The following LRMDA variants were observed in gnomAD, a reference collection of about 807,000 sequenced individuals.
LRMDA encodes leucine-rich melanocyte differentiation-associated protein.
LRMDA carries 18 observed loss-of-function variants against 29.8 expected under a neutral mutation model. The ratio of observed to expected loss-of-function variants is 0.60; its 90% CI spans 0.42 to 0.90. The LOEUF (loss-of-function observed/expected upper bound fraction) is 0.90, where lower values mean the gene tolerates loss of function less well. Ranked by LOEUF, LRMDA falls within the 40% of genes least tolerant of loss-of-function variation. The probability of loss-of-function intolerance (pLI) is 0.00; values close to 1 mark genes in which losing one functional copy is unlikely to be tolerated. For synonymous variants in LRMDA, 125 were observed against 109.4 expected (o/e 1.14, Z -0.89); for missense variants, 273 against 273.9 (o/e 1.00, Z 0.02).
chr10:76,557,358 ACGCT>A lies in LRMDA; in HGVS notation c.*71_*74del. 1 of 1,308,424 alleles carries A rather than the reference ACGCT, an allele frequency of 7.6e-7. No individual in the cohort carries two copies. The highest frequency in any genetic ancestry group is 1.5e-5 in the African/African-American group (1 of 68,162). 81.1% of individuals were successfully genotyped at this position (1,308,424 alleles called of 1,614,324 possible). A position where few individuals can be genotyped will look rare whatever the true frequency, so the allele number is the denominator to read the frequency against. Reference sequence around the variant, plus strand: ...AAAAGGGAAATCAAAAATAAAGAAAACGCTAAAGAAAAAACAATAGCCCACATTG... The same window carrying A: ...AAAAGGGAAATCAAAAATAAAGAAAAAAAGAAAAAACAATAGCCCACATTG... On this transcript the variant is annotated 3_prime_UTR_variant, in exon 7 of 7. Transcript: ENST00000611255.
intron 2 of LRMDA, among the ~76,000 whole-genome samples, chr10:75,676,625 C>T (rs571939080): frequency 6.7e-4 from 102 of 152,278 alleles, no homozygotes; most frequent in African/African-American, 2.3e-3. Flanking sequence ...GTCTTTGGTT[C>T]GTGATGGCAT....
At chr10:75,449,151 CAAAAAAA>C (rs779723533) in intron 2 of LRMDA, among the ~76,000 whole-genome samples, 4 of 50,280 alleles carry the variant, frequency 8.0e-5, no homozygotes, top group Non-Finnish European at 1.3e-4. Flanking sequence ...GACTCCATCT[CAAAAAAA>C]AAAAAAAAAA....
chr10:75,566,403 C>T (rs2132066790), intron 2 of LRMDA, among the ~76,000 whole-genome samples: 1 of 152,312 alleles, frequency 6.6e-6, no homozygotes, highest in East Asian at 1.9e-4. Flanking sequence ...AATGCTGAAT[C>T]ATGGGCCCCA....
intron 5 of LRMDA, among the ~76,000 whole-genome samples, chr10:76,227,669 A>C (rs764560470): frequency 4.6e-5 from 7 of 152,240 alleles, no homozygotes; most frequent in Non-Finnish European, 8.8e-5. Context: ...TAACTACATT[A>C]GTGTTAAGAC....
At chr10:76,402,845 T>G (rs1399314582) in intron 6 of LRMDA, among the ~76,000 whole-genome samples, 1 of 152,198 alleles carries the variant, frequency 6.6e-6, no homozygotes, top group Non-Finnish European at 1.5e-5. Flanking sequence ...TATTCTGCAT[T>G]CTTTAAAATA....
intron 2 of LRMDA, among the ~76,000 whole-genome samples, chr10:75,919,181 T>A (rs138060510): frequency 6.6e-6 from 1 of 152,304 alleles, no homozygotes; most frequent in Non-Finnish European, 1.5e-5. Flanking sequence ...GATGCGAAGC[T>A]GGGCAGCCTG....
intron 2 of LRMDA, among the ~76,000 whole-genome samples, chr10:75,715,074 G>A (rs1200536849): frequency 6.6e-6 from 1 of 152,098 alleles, no homozygotes; most frequent in Non-Finnish European, 1.5e-5. Context: ...CTACACCTGT[G>A]TTTCACAGAG....
At chr10:75,623,959 G>A (rs899166866) in intron 2 of LRMDA, among the ~76,000 whole-genome samples, 6 of 152,138 alleles carry the variant, frequency 3.9e-5, no homozygotes, top group Non-Finnish European at 8.8e-5. Flanking sequence ...ATCAGAGGCC[G>A]TTTTCAAATA....
At chr10:76,062,077 C>G (rs527548972) in intron 5 of LRMDA, among the ~76,000 whole-genome samples, 9 of 152,114 alleles carry the variant, frequency 5.9e-5, no homozygotes, top group Non-Finnish European at 1.2e-4. Context: ...TATGTGTACA[C>G]CAGAGTCAGC....
chr10:76,044,264 G>C (rs369660592), intron 3 of LRMDA, among the ~76,000 whole-genome samples: 1 of 152,116 alleles, frequency 6.6e-6, no homozygotes, highest in Non-Finnish European at 1.5e-5. Context: ...ACTGAGGCCC[G>C]TGCAGGTCCG....
intron 2 of LRMDA, among the ~76,000 whole-genome samples, chr10:76,027,282 T>C (rs1268163294): frequency 6.6e-6 from 1 of 152,200 alleles, no homozygotes; most frequent in African/African-American, 2.4e-5. Context: ...TCACTGGCGA[T>C]TCATACTAAG....
At chr10:75,519,818 C>T (rs892698570) in intron 2 of LRMDA, among the ~76,000 whole-genome samples, 22 of 152,146 alleles carry the variant, frequency 1.4e-4, no homozygotes, top group Admixed American at 7.2e-4. Context: ...TGGCTGGTAC[C>T]GGTTGTTCCT....
chr10:76,477,583 C>T (rs1274993920), intron 6 of LRMDA, among the ~76,000 whole-genome samples: 6 of 152,160 alleles, frequency 3.9e-5, no homozygotes, highest in East Asian at 1.9e-4. Context: ...AAAAAGAGCC[C>T]GCATCGCCAA....
intron 5 of LRMDA, among the ~76,000 whole-genome samples, chr10:76,234,517 A>G (rs1281994979): frequency 6.6e-6 from 1 of 152,210 alleles, no homozygotes; most frequent in African/African-American, 2.4e-5. Context: ...GAAGCCAGGC[A>G]TTGACTTCTC....
chr10:76,337,403 G>A lies in LRMDA; in HGVS notation c.601+12918G>A, dbSNP rs1056864717. Among the ~76,000 whole-genome samples, 3 of 152,204 alleles carry A rather than the reference G, an allele frequency of 2.0e-5. No individual in the cohort carries two copies. The East Asian group carries it at 5.8e-4, about 29-fold the overall frequency. ...TGTGTTGGCAATTTAAGATCTGACAGCCAGAGAAGTCACCACTGAGAAGAT... is the reference window on the plus strand; with the variant it reads ...TGTGTTGGCAATTTAAGATCTGACAACCAGAGAAGTCACCACTGAGAAGAT... On this transcript the variant is annotated intron_variant, in intron 6 of 6. Coordinates refer to ENST00000611255, the MANE Select transcript of LRMDA (RefSeq NM_001305581.2).
At chr10:76,474,843 C>T (rs532140164) in intron 6 of LRMDA, among the ~76,000 whole-genome samples, 2 of 151,696 alleles carry the variant, frequency 1.3e-5, no homozygotes, top group Non-Finnish European at 1.5e-5. Context: ...TGAGCAATTC[C>T]ACTCCTAGGT....
intron 2 of LRMDA, among the ~76,000 whole-genome samples, chr10:75,481,467 G>T (rs1229082329): frequency 6.6e-6 from 1 of 152,182 alleles, no homozygotes; most frequent in Non-Finnish European, 1.5e-5. Flanking sequence ...TGGGAAGAAA[G>T]ATTTGATAGA....
intron 2 of LRMDA, among the ~76,000 whole-genome samples, chr10:75,928,084 A>AT (rs1461104488): frequency 6.7e-6 from 1 of 148,524 alleles, no homozygotes; most frequent in Non-Finnish European, 1.5e-5. Flanking sequence ...ATCATCATCT[A>AT]TTTTTAAAAT....
chr10:75,672,519 T>C (rs868809571), intron 2 of LRMDA, among the ~76,000 whole-genome samples: 643 of 28,006 alleles, frequency 0.023, 107 homozygotes, highest in East Asian at 0.1. Context: ...ATTTTTCTTT[T>C]CTTTTCCTCC....
Sources: allele counts gnomAD v4.1 joint callset (sites outside exome capture counted in the v4.1 genomes callset), GRCh38; gene constraint gnomAD v4.1.1; transcripts MANE v1.5; gene names NCBI Gene and HGNC (gene_info 2026-07-23, HGNC 2026-07-21).